The following ABCA12 variants were observed in gnomAD, a reference collection of about 807,000 sequenced individuals.
ABCA12 encodes the protein ATP binding cassette subfamily A member 12.
A neutral mutation model predicts 293.5 loss-of-function variants in ABCA12; 156 were observed. The observed-to-expected ratio is 0.53, with a 90% confidence interval of 0.47 to 0.61. ABCA12 has a LOEUF of 0.61. Ranked by LOEUF, ABCA12 falls within the 20% of genes least tolerant of loss-of-function variation. The probability of loss-of-function intolerance (pLI) is 0.00; values close to 1 mark genes in which losing one functional copy is unlikely to be tolerated. For synonymous variants in ABCA12, 1,063 were observed against 1,108.0 expected, an observed-to-expected ratio of 0.96 and a Z score of 0.81; for missense variants, 2,797 against 3,090.2, an observed-to-expected ratio of 0.91 and a Z score of 2.25.
At chr2:215,101,694 T>G (rs1029614193) in intron 2 of ABCA12, among the ~76,000 whole-genome samples, 6 of 152,308 alleles carry the variant, frequency 3.9e-5, no homozygotes, top group South Asian at 4.1e-4. Flanking sequence ...ACTGAAAACC[T>G]TCATAGTACA....
At position 215,015,554 on chromosome 2, in the gene ABCA12, C is replaced by T. The variant is rs76979001; in HGVS notation, c.1892G>A (p.Arg631Gln). 2,957 of 1,614,026 alleles carry T rather than the reference C, an allele frequency of 1.8e-3. 45 individuals carry two copies. The Admixed American group carries it at 0.031, about 17-fold the overall frequency. Residue 631 changes from arginine (R) to glutamine (Q), a missense_variant, in exon 15 of 53, where the codon CGG (arginine) becomes CAG (glutamine). By Grantham distance (43) the Arg-to-Gln change is conservative (BLOSUM62 1). Coordinates refer to ENST00000272895, the MANE Select transcript of ABCA12 (RefSeq NM_173076.3). ...GGTGAGTCCGATGAGGTAAGACTGC[C>T]GGGATCTCTCTGAAAGAGACAGGTT... ...FCNLSLSERS[R>Q]QSYLIGLTLL...
intron 2 of ABCA12, among the ~76,000 whole-genome samples, chr2:215,094,436 T>G (rs1329863114): frequency 6.6e-6 from 1 of 152,168 alleles, no homozygotes; most frequent in East Asian, 1.9e-4. Context: ...GCTCTCCCAC[T>G]GAAGTTGTCC....
intron 50 of ABCA12, among the ~76,000 whole-genome samples, chr2:214,938,756 T>G (rs1322407130): frequency 1.3e-5 from 2 of 152,268 alleles, no homozygotes; most frequent in Non-Finnish European, 2.9e-5. Context: ...CATAAATGTC[T>G]TCTTTTGAGA....
chr2:215,032,723 C>T (rs1053980227), intron 8 of ABCA12: 1 of 152,232 alleles, frequency 6.6e-6, no homozygotes, highest in African/African-American at 2.4e-5. Context: ...AATGATATCA[C>T]TTATTTCCCT....
At chr2:215,040,035 G>C (rs1701067085) in intron 7 of ABCA12, among the ~76,000 whole-genome samples, 1 of 152,124 alleles carries the variant, frequency 6.6e-6, no homozygotes, top group South Asian at 2.1e-4. Flanking sequence ...CTAAGCCATT[G>C]TTAACATACT....
rs144914898 is a variant in ABCA12, at chr2:214,978,968, C to T, written c.4813G>A (p.Glu1605Lys). The T allele has an allele frequency of 1.2e-4, 187 of 1,613,980 alleles. 1 individual carries two copies. Among genetic ancestry groups the T allele is most frequent in the South Asian group, 1.0e-3 (91 of 91,066 alleles). ...CCAATATCCTCCTTGAGGTAGGCTT[C>T]GGGGAGATGTGATTGGATCATTGCT... is the stretch of plus-strand genomic sequence containing the variant. ...VTAMIQSHLP[E>K]AYLKEDIGGE... The change falls in exon 32 of 53, where the codon GAA becomes AAA. Residue 1605 changes from glutamate to lysine, a missense_variant. Physicochemically the swap from Glu to Lys is moderately conservative, Grantham distance 56 (BLOSUM62 1). Coordinates refer to ENST00000272895, the MANE Select transcript of ABCA12 (RefSeq NM_173076.3).
chr2:215,026,420 AC>A (rs1700746594), intron 10 of ABCA12, among the ~76,000 whole-genome samples: 1 of 152,244 alleles, frequency 6.6e-6, no homozygotes, highest in Admixed American at 6.5e-5. Flanking sequence ...TGTAATTTAC[AC>A]CCGCTTTTAG....
At chr2:214,995,936 T>A (rs1011422294) in intron 23 of ABCA12, among the ~76,000 whole-genome samples, 3 of 152,166 alleles carry the variant, frequency 2.0e-5, no homozygotes, top group Non-Finnish European at 4.4e-5. Context: ...GAAATAAATG[T>A]TGAATGAAGT....
chr2:214,947,489 C>G lies in ABCA12; in HGVS notation c.7172G>C (p.Ser2391Thr). Residue 2391 changes from serine to threonine, a missense_variant, in exon 48 of 53, where the codon AGT (serine) becomes ACT (threonine). Ser to Thr is a moderately conservative substitution (Grantham distance 58). Coordinates refer to ENST00000272895, the MANE Select transcript of ABCA12 (RefSeq NM_173076.3). ...PFKDRATSMC[S>T]YGTKRKLSTA... ...GGATAATTTTCTTTTTGTGCCATAA[C>G]TGCACATAGAGGTAGCTCTGTCCTT... The G allele has an allele frequency of 6.2e-7, 1 of 1,613,956 alleles. No homozygotes were observed. Among genetic ancestry groups the G allele is most frequent in the Non-Finnish European group, 8.5e-7 (1 of 1,179,904 alleles).
chr2:214,989,303 T>G, intron 26 of ABCA12, 26 bp downstream of exon 26: 2 of 1,610,824 alleles, frequency 1.2e-6, no homozygotes, highest in Admixed American at 1.7e-5. Context: ...ATAAAAAGCA[T>G]GTATCTGTAG....
chr2:215,105,578 G>GACACACACACAC (rs747604210), intron 2 of ABCA12, among the ~76,000 whole-genome samples: 1 of 142,728 alleles, frequency 7.0e-6, no homozygotes, highest in Non-Finnish European at 1.5e-5. Flanking sequence ...AGGGCTTCAA[G>GACACACACACAC]ACACACACAC....
intron 1 of ABCA12, among the ~76,000 whole-genome samples, chr2:215,127,565 A>G (rs544798073): frequency 6.6e-6 from 1 of 152,200 alleles, no homozygotes; most frequent in East Asian, 1.9e-4. Flanking sequence ...TGTCTCTTTT[A>G]ACTGCTGTTG....
Position 215,011,618 on chromosome 2 carries a change from G to A in ABCA12, c.2153C>T (p.Pro718Leu). The change falls in exon 17 of 53, where the codon CCA becomes CTA. Residue 718 changes from proline (P) to leucine (L), a missense_variant. Physicochemically the swap from Pro to Leu is moderately conservative, Grantham distance 98. This residue lies in a region of ABCA12 where 2,130 missense variants were observed against 2,427.0 expected (regional missense o/e 0.88). Coordinates refer to ENST00000272895, the MANE Select transcript of ABCA12 (RefSeq NM_173076.3). ...GGAGATGGTGCTAAATGATCCTTGT[G>A]GTGTGTTCATTCGGTTGCTTCTGTA... ...AMYRSNRMNT[P>L]QGSFSTISQA... The A allele has an allele frequency of 6.2e-7, 1 of 1,613,924 alleles. No homozygotes were observed. Among genetic ancestry groups the A allele is most frequent in the Non-Finnish European group, 8.5e-7 (1 of 1,179,882 alleles).
At chr2:215,130,904 G>C (rs1307785367) in intron 1 of ABCA12, among the ~76,000 whole-genome samples, 1 of 151,204 alleles carries the variant, frequency 6.6e-6, no homozygotes, top group Non-Finnish European at 1.5e-5. Context: ...ATTATTTTGA[G>C]GTATGTTTCA....
intron 2 of ABCA12, among the ~76,000 whole-genome samples, chr2:215,082,411 C>A (rs1314885061): frequency 6.6e-6 from 1 of 152,146 alleles, no homozygotes; most frequent in East Asian, 1.9e-4. Flanking sequence ...AGGACTCCCA[C>A]CAGCCCTCAG....
At chr2:215,121,266 T>C (rs1028188737) in intron 1 of ABCA12, among the ~76,000 whole-genome samples, 9 of 152,218 alleles carry the variant, frequency 5.9e-5, no homozygotes, top group African/African-American at 1.7e-4. Flanking sequence ...AATGGATTAC[T>C]GGCTGTCTTT....
intron 39 of ABCA12, among the ~76,000 whole-genome samples, chr2:214,960,089 C>A (rs902235093): frequency 6.6e-6 from 1 of 152,104 alleles, no homozygotes; most frequent in African/African-American, 2.4e-5. Context: ...GGCAGATTTT[C>A]TCAAGTTACA....
rs150227342 is a variant in ABCA12 at position 215,000,983 on chromosome 2, G to C, written c.2901C>G (p.His967Gln). 54 of 1,613,918 alleles carry C rather than the reference G, an allele frequency of 3.3e-5. No individual in the cohort carries two copies. The highest frequency in any genetic ancestry group is 4.1e-5 in the Non-Finnish European group (48 of 1,179,944). ...AGACATTTCCAGAGTCATAGCCTCTGTGCCAGCTTCTGTTAGAAGGAAGCT... is the reference window on the plus strand; with the variant it reads ...AGACATTTCCAGAGTCATAGCCTCTCTGCCAGCTTCTGTTAGAAGGAAGCT... The part of the protein sequence containing the change: ...IFKLPSNRSW[H>Q]RGYDSGNVFL... The change falls in exon 22 of 53, where the codon CAC becomes CAG. Residue 967 changes from histidine (H) to glutamine (Q), a missense_variant. Transcript: ENST00000272895.
At position 214,987,768 on chromosome 2, in the gene ABCA12, C is replaced by A; in HGVS notation, c.3855G>T (p.Trp1285Cys). The change falls in exon 27 of 53, where the codon TGG (tryptophan) becomes TGT (cysteine). Residue 1285 changes from tryptophan to cysteine, a missense_variant. Coordinates refer to ENST00000272895, the MANE Select transcript of ABCA12 (RefSeq NM_173076.3). ...FPGTYGMAAP[W>C]YFPILPSYWK... ...AATAGGAAGGAAGAATTGGAAAATA[C>A]CAGGGAGCTGCCATACCGTATGTCC... 2 of 1,613,804 alleles carry A rather than the reference C, an allele frequency of 1.2e-6. No individual in the cohort carries two copies. Among genetic ancestry groups the A allele is most frequent in the Non-Finnish European group, 1.7e-6 (2 of 1,179,922 alleles).
Sources: allele counts gnomAD v4.1 joint callset (sites outside exome capture counted in the v4.1 genomes callset), GRCh38; gene constraint gnomAD v4.1.1; regional missense constraint gnomAD v4.1.1; transcripts MANE v1.5; gene names NCBI Gene and HGNC (gene_info 2026-07-23, HGNC 2026-07-21).